SLC9B1: variants seen among roughly 807,000 people sequenced by gnomAD.
SLC9B1 encodes the protein solute carrier family 9 member B1.
A neutral mutation model predicts 51.7 loss-of-function variants in SLC9B1; 32 were observed. That is an observed-to-expected ratio of 0.62 (90% CI 0.47 to 0.83). The LOEUF (loss-of-function observed/expected upper bound fraction) is 0.83. Among genes scored for constraint, SLC9B1 ranks in the 40% least tolerant of loss-of-function variants. The pLI is 0.00. For missense variants in SLC9B1, 406 were observed against 613.2 expected, an observed-to-expected ratio of 0.66 and a Z score of 3.57; for synonymous variants, 145 against 212.7, an observed-to-expected ratio of 0.68 and a Z score of 2.77.
intron 9 of SLC9B1, 70 bp from the exon 10 acceptor site, chr4:102,906,714 C>T (rs1233830593): frequency 5.0e-6 from 4 of 803,342 alleles, no homozygotes; most frequent in Admixed American, 7.7e-5. Flanking sequence ...TAAAGTCTTC[C>T]CCCCCCTTTT....
At chr4:102,948,265 C>T (rs569021846) in intron 4 of SLC9B1, among the ~76,000 whole-genome samples, 11 of 151,612 alleles carry the variant, frequency 7.3e-5, no homozygotes, top group Admixed American at 5.9e-4. Context: ...AGGAGGGACT[C>T]CCTCCCTAAC....
In SLC9B1 at chr4:102,975,586, A is replaced by ATAT. The variant is rs1217142990; in HGVS notation, c.211+14213_211+14214insATA. ...TATACATATATATATATATATATAT[A>ATAT]TTTTTTTTTTTTTTTTTTTTTTTGA... On this transcript the variant is annotated intron_variant, in intron 3 of 11. Transcript: ENST00000296422. 2.0e-3 allele frequency among the ~76,000 whole-genome samples: 122 copies of ATAT among 62,322 alleles called. 1 individual carries two copies. The highest frequency in any genetic ancestry group is 3.9e-3 in the African/African-American group (52 of 13,398). The allele number at this position is 62,322 out of a possible 152,430, so 40.9% of individuals were successfully genotyped here.
downstream of SLC9B1, chr4:102,898,250 A>G: frequency 6.0e-6 from 3 of 499,342 alleles, no homozygotes; most frequent in South Asian, 2.9e-5. Context: ...AAAACTGATC[A>G]GGGACCACAG....
At chr4:102,928,925 A>C (rs1736318182) in intron 7 of SLC9B1, among the ~76,000 whole-genome samples, 1 of 152,192 alleles carries the variant, frequency 6.6e-6, no homozygotes. Context: ...AGCATCCAGC[A>C]TGGGAGAAAG....
chr4:102,901,646 C>T (rs1174276099), intron 11 of SLC9B1, among the ~76,000 whole-genome samples: 1 of 152,130 alleles, frequency 6.6e-6, no homozygotes, highest in Non-Finnish European at 1.5e-5. Context: ...GGAGTTCTAA[C>T]GAAACCAGTT....
intron 11 of SLC9B1, chr4:102,888,202 A>AAAT (rs1392972614): frequency 1.3e-5 from 2 of 152,216 alleles, no homozygotes; most frequent in Non-Finnish European, 2.9e-5. Context: ...ATTCATATTA[A>AAAT]AATAGTTCAG....
chr4:102,917,479 A>G (rs1477541196), intron 7 of SLC9B1, among the ~76,000 whole-genome samples: 1 of 144,702 alleles, frequency 6.9e-6, no homozygotes, highest in Non-Finnish European at 1.5e-5. Flanking sequence ...CTATATCTAT[A>G]TCTATATCTA....
intron 7 of SLC9B1, among the ~76,000 whole-genome samples, chr4:102,913,796 T>TAAAAAAAAAAAAAAAAAAAAGAAAA (rs1735456552): frequency 1.4e-5 from 1 of 71,446 alleles, no homozygotes; most frequent in Admixed American, 1.5e-4. Flanking sequence ...AGATAGAAAC[T>TAAAAAAAAAAAAAAAAAAAAGAAAA]AAAAAAAAAA....
At chr4:102,890,974 A>G (rs868372814) in intron 11 of SLC9B1, 1 of 150,888 alleles carries the variant, frequency 6.6e-6, no homozygotes, top group African/African-American at 2.5e-5. Flanking sequence ...CATGGAAAGC[A>G]GGGGTGAATT....
chr4:102,898,966 C>T (rs555442392), downstream of SLC9B1, among the ~76,000 whole-genome samples: 1 of 152,064 alleles, frequency 6.6e-6, no homozygotes, highest in African/African-American at 2.4e-5. Context: ...TGGTCTCCCT[C>T]CCCTGACCTC....
intron 1 of SLC9B1, 25 bp downstream of exon 1, chr4:103,019,574 C>A: frequency 1.0e-6 from 1 of 985,246 alleles, no homozygotes; most frequent in Non-Finnish European, 1.2e-6. Context: ...CTTGGAAGGG[C>A]GGCGTTAAGA....
At chr4:102,886,057 T>C (rs1733894860) in intron 11 of SLC9B1, among the ~76,000 whole-genome samples, 1 of 152,160 alleles carries the variant, frequency 6.6e-6, no homozygotes, top group Non-Finnish European at 1.5e-5. Flanking sequence ...ACAGCATCCT[T>C]TGTAATAGCA....
intron 6 of SLC9B1, among the ~76,000 whole-genome samples, chr4:102,943,988 GAGCATC>G (rs1737146693): frequency 6.6e-6 from 1 of 152,130 alleles, no homozygotes; most frequent in Non-Finnish European, 1.5e-5. Flanking sequence ...CTCAGGGTTA[GAGCATC>G]AGACTGCGGA....
chr4:102,974,778 AG>A (rs1387845162), intron 3 of SLC9B1, among the ~76,000 whole-genome samples: 2 of 152,224 alleles, frequency 1.3e-5, no homozygotes, highest in African/African-American at 4.8e-5. Context: ...GAATGGAAAA[AG>A]AGGGAACACC....
intron 3 of SLC9B1, among the ~76,000 whole-genome samples, chr4:102,983,520 T>C (rs953600250): frequency 1.3e-5 from 2 of 152,176 alleles, no homozygotes; most frequent in Non-Finnish European, 2.9e-5. Context: ...CTGGGCCCAG[T>C]ACATTCTGTT....
chr4:103,000,769 C>G (rs1740478626), intron 1 of SLC9B1, among the ~76,000 whole-genome samples: 1 of 152,228 alleles, frequency 6.6e-6, no homozygotes, highest in Non-Finnish European at 1.5e-5. Context: ...GCTGCTTTCA[C>G]AGCTGGCATT....
chr4:102,913,353 C>A (rs535586509), intron 7 of SLC9B1, among the ~76,000 whole-genome samples: 2 of 152,204 alleles, frequency 1.3e-5, no homozygotes, highest in Non-Finnish European at 1.5e-5. Context: ...AACAACAGCT[C>A]CAGAAAAAGA....
chr4:102,933,170 G>A (rs1736548133), intron 6 of SLC9B1, among the ~76,000 whole-genome samples: 1 of 152,190 alleles, frequency 6.6e-6, no homozygotes, highest in Admixed American at 6.5e-5. Context: ...CTTGTTGGCT[G>A]CTAATATCTG....
intron 1 of SLC9B1, among the ~76,000 whole-genome samples, chr4:102,992,681 T>C (rs1740006593): frequency 6.6e-6 from 1 of 152,204 alleles, no homozygotes. Flanking sequence ...ATCAGAAACT[T>C]AGATCTAAAT....
Sources: gnomAD v4.1 joint callset for allele counts (sites outside exome capture counted in the v4.1 genomes callset) on GRCh38, gnomAD v4.1.1 for gene constraint, MANE v1.5 for transcripts, NCBI Gene and HGNC (gene_info 2026-07-23, HGNC 2026-07-21) for gene names.